TYR: variants seen among roughly 807,000 people sequenced by gnomAD.
TYR encodes the protein LB24-AB.
TYR carries 58 observed loss-of-function variants against 51.5 expected under a neutral mutation model. The ratio of observed to expected loss-of-function variants is 1.13; its 90% CI spans 0.91 to 1.40. The LOEUF (loss-of-function observed/expected upper bound fraction) is 1.40, where lower values mean the gene tolerates loss of function less well. Among genes scored for constraint, TYR ranks in the 40% most tolerant of loss-of-function variants. The pLI is 0.00. For synonymous variants in TYR, 263 were observed against 235.2 expected, an observed-to-expected ratio of 1.12 and a Z score of -1.08; for missense variants, 732 against 647.4, an observed-to-expected ratio of 1.13 and a Z score of -1.42.
intron 3 of TYR, among the ~76,000 whole-genome samples, chr11:89,258,978 C>T (rs1415784811): frequency 6.6e-6 from 1 of 152,036 alleles, no homozygotes; most frequent in African/African-American, 2.4e-5. Context: ...AATAGGTAAT[C>T]TATTGCAAAA....
At chr11:89,230,361 C>T (rs763175577) in intron 3 of TYR, among the ~76,000 whole-genome samples, 2 of 152,080 alleles carry the variant, frequency 1.3e-5, no homozygotes, top group Non-Finnish European at 1.5e-5. Flanking sequence ...ATATCTAACA[C>T]CATATCCAAA....
intron 2 of TYR, among the ~76,000 whole-genome samples, chr11:89,194,817 T>C (rs970579749): frequency 7.2e-5 from 11 of 152,170 alleles, no homozygotes; most frequent in Non-Finnish European, 1.3e-4. Flanking sequence ...AGCTGGTTCT[T>C]ATGTCTCCAT....
At chr11:89,192,802 T>C (rs1943463559) in intron 2 of TYR, among the ~76,000 whole-genome samples, 2 of 152,208 alleles carry the variant, frequency 1.3e-5, no homozygotes, top group Non-Finnish European at 2.9e-5. Flanking sequence ...TCAATTCTAA[T>C]AACTATCCCC....
intron 1 of TYR, among the ~76,000 whole-genome samples, chr11:89,189,764 TA>T (rs140317943): frequency 0.014 from 2,169 of 152,222 alleles, 47 homozygotes; most frequent in African/African-American, 0.05. Flanking sequence ...CCTAGACAGT[TA>T]AATCATTTTC....
At chr11:89,289,173 C>G (rs1400797011) in intron 4 of TYR, among the ~76,000 whole-genome samples, 3 of 151,968 alleles carry the variant, frequency 2.0e-5, no homozygotes, top group Admixed American at 6.6e-5. Flanking sequence ...TTCTACGTAG[C>G]AGAAAAACTC....
chr11:89,230,751 G>T (rs1024326055), intron 3 of TYR, among the ~76,000 whole-genome samples: 1 of 151,980 alleles, frequency 6.6e-6, no homozygotes, highest in Non-Finnish European at 1.5e-5. Context: ...AAGAAGATAT[G>T]CAAACGTCCA....
intron 3 of TYR, among the ~76,000 whole-genome samples, chr11:89,249,935 A>G (rs925765414): frequency 8.5e-5 from 13 of 152,060 alleles, no homozygotes; most frequent in Admixed American, 7.2e-4. Flanking sequence ...CTGAATGGAG[A>G]CACAAGATAG....
At chr11:89,206,689 G>A in intron 2 of TYR, among the ~76,000 whole-genome samples, 1 of 152,072 alleles carries the variant, frequency 6.6e-6, no homozygotes, top group East Asian at 1.9e-4. Context: ...TTTATTTGAA[G>A]TGCTGATAAA....
intron 2 of TYR, among the ~76,000 whole-genome samples, chr11:89,209,951 C>A (rs1456210151): frequency 6.6e-6 from 1 of 152,112 alleles, no homozygotes; most frequent in East Asian, 1.9e-4. Context: ...CAAAGCAAAA[C>A]CCCATTTTTA....
rs571810545 is a variant in TYR at position 89,178,483 on chromosome 11, T to C, written c.530T>C (p.Val177Ala). ...GACATCAATATTTATGACCTCTTTG[T>C]CTGGATGCATTATTATGTGTCAATG... Reference protein sequence around the residue: ...FNDINIYDLFVWMHYYVSMDA... With the variant: ...FNDINIYDLFAWMHYYVSMDA... Residue 177 changes from valine to alanine, a missense_variant, in exon 1 of 5, where the codon GTC (valine) becomes GCC (alanine). Val to Ala is a moderately conservative substitution (Grantham distance 64, BLOSUM62 0). Transcript: ENST00000263321. 1 of 1,614,222 alleles carries C rather than the reference T, an allele frequency of 6.2e-7. No homozygotes were observed. Among genetic ancestry groups the C allele is most frequent in the Admixed American group, 1.7e-5 (1 of 60,030 alleles).
chr11:89,233,474 G>A (rs1944075296), intron 3 of TYR, among the ~76,000 whole-genome samples: 1 of 138,022 alleles, frequency 7.2e-6, no homozygotes, highest in Admixed American at 7.4e-5. Context: ...ATGGCATCTA[G>A]AATGGCGACT....
chr11:89,249,639 G>T (rs571625102), intron 3 of TYR, among the ~76,000 whole-genome samples: 2 of 152,096 alleles, frequency 1.3e-5, no homozygotes, highest in South Asian at 4.1e-4. Flanking sequence ...GACTGGAGCA[G>T]ATTCTAAACA....
intron 2 of TYR, among the ~76,000 whole-genome samples, chr11:89,212,010 T>C (rs1168447455): frequency 6.6e-6 from 1 of 152,068 alleles, no homozygotes; most frequent in East Asian, 1.9e-4. Flanking sequence ...TATCTAAAAT[T>C]GACACCCTGA....
chr11:89,189,078 C>T (rs1943410159), intron 1 of TYR, among the ~76,000 whole-genome samples: 1 of 152,114 alleles, frequency 6.6e-6, no homozygotes, highest in East Asian at 1.9e-4. Context: ...CTAGAACCTA[C>T]TTTTAAAAAT....
At chr11:89,248,592 G>A (rs1402506642) in intron 3 of TYR, among the ~76,000 whole-genome samples, 1 of 152,182 alleles carries the variant, frequency 6.6e-6, no homozygotes, top group Non-Finnish European at 1.5e-5. Flanking sequence ...GGAACTTGGT[G>A]CAATATGAGA....
At chr11:89,193,512 A>T (rs994610330) in intron 2 of TYR, among the ~76,000 whole-genome samples, 1 of 152,136 alleles carries the variant, frequency 6.6e-6, no homozygotes, top group Non-Finnish European at 1.5e-5. Context: ...TTAGTAGGCA[A>T]AGTGTGTGAG....
At chr11:89,198,775 A>G (rs1214032673) in intron 2 of TYR, among the ~76,000 whole-genome samples, 1 of 151,424 alleles carries the variant, frequency 6.6e-6, no homozygotes, top group Non-Finnish European at 1.5e-5. Flanking sequence ...ATATATTTTT[A>G]TACTTTAAGT....
intron 1 of TYR, among the ~76,000 whole-genome samples, chr11:89,187,507 C>T (rs1942493): frequency 0.21 from 31,313 of 151,884 alleles, 4,505 homozygotes; most frequent in African/African-American, 0.41. Flanking sequence ...AACTCATTGG[C>T]CAAGAGATGA....
chr11:89,272,564 T>G (rs1213984565), intron 3 of TYR, among the ~76,000 whole-genome samples: 1 of 151,902 alleles, frequency 6.6e-6, no homozygotes, highest in East Asian at 1.9e-4. Flanking sequence ...TTCAACTGAA[T>G]AAGCACTGGC....
Sources: gnomAD v4.1 joint callset for allele counts (sites outside exome capture counted in the v4.1 genomes callset) on GRCh38, gnomAD v4.1.1 for gene constraint, MANE v1.5 for transcripts, NCBI Gene and HGNC (gene_info 2026-07-23, HGNC 2026-07-21) for gene names.